Variants in TVP23A observed in about 807,000 individuals in gnomAD.
TVP23A encodes the protein Golgi apparatus membrane protein TVP23 homolog A.
In TVP23A, 21 loss-of-function variants were observed where a neutral mutation model predicts 31.7. The ratio of observed to expected loss-of-function variants is 0.66; its 90% CI spans 0.47 to 0.95. TVP23A has a LOEUF of 0.95. Ranked by LOEUF, TVP23A falls within the 40% of genes least tolerant of loss-of-function variation. The pLI is 0.00. For synonymous variants in TVP23A, 104 were observed against 96.0 expected, an observed-to-expected ratio of 1.08 and a Z score of -0.49; for missense variants, 279 against 255.6, an observed-to-expected ratio of 1.09 and a Z score of -0.62.
chr16:10,795,704 G>A (rs1017044323), intron 2 of TVP23A, among the ~76,000 whole-genome samples: 10 of 152,158 alleles, frequency 6.6e-5, no homozygotes, highest in South Asian at 2.1e-4. Flanking sequence ...CCACACATTC[G>A]ATGAGGGGAG....
chr16:10,796,418 G>GATTTTATTTTATTTT (rs370573686), intron 2 of TVP23A, among the ~76,000 whole-genome samples: 6 of 151,598 alleles, frequency 4.0e-5, no homozygotes, highest in African/African-American at 1.5e-4. Context: ...TAGTAAAAGG[G>GATTTTATTTTATTTT]ATTTTATTTT....
chr16:10,787,190 G>C (rs979143929), intron 2 of TVP23A, among the ~76,000 whole-genome samples: 2 of 152,208 alleles, frequency 1.3e-5, no homozygotes, highest in African/African-American at 4.8e-5. Context: ...CCTGGACAAA[G>C]TACTAAACCC....
chr16:10,818,564 G>C lies in TVP23A; in HGVS notation c.-71C>G, dbSNP rs1238837798. The C allele has an allele frequency of 1.0e-5, 16 of 1,556,382 alleles. No individual in the cohort carries two copies. The highest frequency in any genetic ancestry group is 1.3e-5 in the Non-Finnish European group (15 of 1,158,244). ...TCCGCCCGTCGCCGCTGAAGGGGTC[G>C]GACGCCGGGCGGGCGGATGTAGGCA... On this transcript the variant is annotated 5_prime_UTR_variant, in exon 1 of 8. Coordinates refer to ENST00000299866, the MANE Select transcript of TVP23A (RefSeq NM_001079512.4). The surrounding 1 kb of genome is among the most constrained non-coding windows in gnomAD (Gnocchi z 4.7).
At chr16:10,812,736 G>C (rs1389856414) in intron 2 of TVP23A, among the ~76,000 whole-genome samples, 1 of 152,110 alleles carries the variant, frequency 6.6e-6, no homozygotes, top group African/African-American at 2.4e-5. Context: ...TATTTACCAG[G>C]GGCTGGGGGA....
intron 2 of TVP23A, among the ~76,000 whole-genome samples, chr16:10,788,284 T>G (rs567569213): frequency 0.045 from 6,731 of 150,200 alleles, 482 homozygotes; most frequent in African/African-American, 0.15. Context: ...TTTTTTTTTG[T>G]TTTTTTTTGA....
At chr16:10,790,645 T>C (rs1016735479) in intron 2 of TVP23A, among the ~76,000 whole-genome samples, 6 of 152,086 alleles carry the variant, frequency 3.9e-5, no homozygotes, top group African/African-American at 7.2e-5. Context: ...CAGAATCAGA[T>C]TGGAAAGTAA....
chr16:10,788,739 T>C (rs1002736385), intron 2 of TVP23A, among the ~76,000 whole-genome samples: 3 of 152,220 alleles, frequency 2.0e-5, no homozygotes, highest in South Asian at 2.1e-4. Flanking sequence ...ACTGTAGTAG[T>C]AGCGGTTTAA....
At chr16:10,801,109 C>T (rs2142997437) in intron 2 of TVP23A, among the ~76,000 whole-genome samples, 1 of 152,256 alleles carries the variant, frequency 6.6e-6, no homozygotes, top group Admixed American at 6.5e-5. Flanking sequence ...TCTAAGGAGT[C>T]CTGGGTTCTT....
intron 2 of TVP23A, among the ~76,000 whole-genome samples, chr16:10,783,813 C>G (rs1486255461): frequency 6.6e-6 from 1 of 152,132 alleles, no homozygotes; most frequent in African/African-American, 2.4e-5. Flanking sequence ...ATGTGTATTG[C>G]TTAGTGAAAG....
downstream of TVP23A, chr16:10,760,988 T>C (rs945396815): frequency 2.1e-5 from 4 of 191,972 alleles, no homozygotes; most frequent in East Asian, 4.2e-4. Flanking sequence ...TTAACAATCA[T>C]GGTGGAAGGC....
At chr16:10,758,036 G>A (rs201743675), downstream of TVP23A, 4 of 1,610,830 alleles carry the variant, frequency 2.5e-6, no homozygotes, top group Non-Finnish European at 3.4e-6. Context: ...AGGTGAGCGA[G>A]CTGCCAGCTG....
At position 10,769,027 on chromosome 16, in the gene TVP23A, C is replaced by T; in HGVS notation, c.*75G>A. The T allele has an allele frequency of 6.2e-7, 1 of 1,613,156 alleles. No homozygotes were observed. The highest frequency in any genetic ancestry group is 8.5e-7 in the Non-Finnish European group (1 of 1,179,162). On this transcript the variant is annotated 3_prime_UTR_variant, in exon 8 of 8. Transcript: ENST00000299866. ...GTAGACAAGCCATTAGCACTCTATG[C>T]CTGTCGTCTTGTTTTCCAGGAATCC...
intron 2 of TVP23A, among the ~76,000 whole-genome samples, chr16:10,791,765 G>A (rs903805654): frequency 6.6e-6 from 1 of 152,108 alleles, no homozygotes; most frequent in Non-Finnish European, 1.5e-5. Context: ...GTGCCACCAT[G>A]CCCGGCTAAT....
downstream of TVP23A, among the ~76,000 whole-genome samples, chr16:10,757,503 A>G (rs1084547): frequency 0.25 from 37,675 of 151,932 alleles, 4,899 homozygotes; most frequent in South Asian, 0.34. This position sits in a 1 kb window ranked among gnomAD's most constrained non-coding sequence, Gnocchi z 4.1. Context: ...ACCGTGTTCT[A>G]CACCATAGGG....
chr16:10,775,480 T>A (rs779591190), intron 2 of TVP23A: 5 of 1,063,340 alleles, frequency 4.7e-6, no homozygotes, highest in African/African-American at 1.7e-5. Context: ...CCACCACCAG[T>A]CACTGAGCTC....
intron 2 of TVP23A, among the ~76,000 whole-genome samples, chr16:10,806,113 C>T (rs1333647565): frequency 2.0e-5 from 3 of 152,120 alleles, no homozygotes; most frequent in African/African-American, 7.2e-5. Flanking sequence ...GAGGCTGAGG[C>T]GGATGGATTG....
chr16:10,761,086 G>C (rs192072000), downstream of TVP23A: 2 of 315,586 alleles, frequency 6.3e-6, no homozygotes, highest in African/African-American at 4.3e-5. Flanking sequence ...ATCAGATCTC[G>C]TGAAAACTCA....
chr16:10,783,424 G>A (rs769470043), intron 2 of TVP23A, among the ~76,000 whole-genome samples: 56 of 152,220 alleles, frequency 3.7e-4, no homozygotes, highest in Admixed American at 2.2e-3. Context: ...ACCTGTAATC[G>A]CAGCATTTTG....
intron 2 of TVP23A, among the ~76,000 whole-genome samples, chr16:10,812,075 A>T (rs76509693): frequency 0.059 from 8,898 of 152,014 alleles, 312 homozygotes; most frequent in Non-Finnish European, 0.078. Flanking sequence ...ATAACTGATT[A>T]AAAAAAACGG....
Sources: gnomAD v4.1 joint callset for allele counts (sites outside exome capture counted in the v4.1 genomes callset) on GRCh38, gnomAD v4.1.1 for gene constraint, Gnocchi (gnomAD v3.1) non-coding constraint, MANE v1.5 for transcripts, NCBI Gene and HGNC (gene_info 2026-07-23, HGNC 2026-07-21) for gene names.